Variants in RAPGEF2 observed in about 807,000 individuals in gnomAD.
RAPGEF2 encodes the protein Rap guanine nucleotide exchange factor 2.
A neutral mutation model predicts 186.7 loss-of-function variants in RAPGEF2; 54 were observed. The ratio of observed to expected loss-of-function variants is 0.29; its 90% CI spans 0.23 to 0.36. The LOEUF is 0.36. Among genes scored for constraint, RAPGEF2 ranks in the 10% least tolerant of loss-of-function variants. The pLI, the probability that RAPGEF2 is intolerant of heterozygous loss-of-function variation, is 1.00. For synonymous variants in RAPGEF2, 712 were observed against 705.9 expected (o/e 1.01, Z -0.14); for missense variants, 1,532 against 2,045.0 (o/e 0.75, Z 4.84).
intron 7 of RAPGEF2, among the ~76,000 whole-genome samples, chr4:159,286,795 A>G (rs1486152672): frequency 6.6e-6 from 1 of 152,156 alleles, no homozygotes; most frequent in Non-Finnish European, 1.5e-5. Context: ...TTCCTCGGGC[A>G]TTTCTGTTAC....
chr4:159,269,790 T>C (rs1757882360), intron 7 of RAPGEF2, among the ~76,000 whole-genome samples: 1 of 152,166 alleles, frequency 6.6e-6, no homozygotes, highest in South Asian at 2.1e-4. Flanking sequence ...GTGGAAGGAT[T>C]GCTTAAGGCC....
At chr4:159,166,129 A>G (rs553948836) in intron 1 of RAPGEF2, among the ~76,000 whole-genome samples, 1 of 152,110 alleles carries the variant, frequency 6.6e-6, no homozygotes, top group Non-Finnish European at 1.5e-5. Flanking sequence ...CCTGGCCAAC[A>G]TGACAAAACC....
chr4:159,314,486 T>C, intron 8 of RAPGEF2, 105 bp from the exon 9 acceptor site: 4 of 1,069,796 alleles, frequency 3.7e-6, no homozygotes, highest in Non-Finnish European at 5.1e-6. Context: ...GATGGAAAAA[T>C]AAATATAACA....
chr4:159,338,223 A>T, intron 17 of RAPGEF2, 88 bp from the exon 18 acceptor site: 1 of 1,206,124 alleles, frequency 8.3e-7, no homozygotes. Flanking sequence ...AAAAAATGGA[A>T]TATGGTTTTT....
intron 3 of RAPGEF2, among the ~76,000 whole-genome samples, chr4:159,205,428 A>T (rs978701404): frequency 2.0e-5 from 3 of 152,164 alleles, no homozygotes; most frequent in African/African-American, 7.2e-5. Flanking sequence ...CAATAAACCC[A>T]CTATATGTTG....
At chr4:159,261,482 A>G (rs992810014) in intron 7 of RAPGEF2, among the ~76,000 whole-genome samples, 3 of 152,232 alleles carry the variant, frequency 2.0e-5, no homozygotes, top group African/African-American at 7.2e-5. Flanking sequence ...CCTCTCCATA[A>G]TTTTAGTTCA....
At chr4:159,179,083 A>G (rs1746756049) in intron 1 of RAPGEF2, among the ~76,000 whole-genome samples, 1 of 152,226 alleles carries the variant, frequency 6.6e-6, no homozygotes, top group South Asian at 2.1e-4. Flanking sequence ...TTTTGAAAAA[A>G]GGATGTCCTT....
At chr4:159,132,451 G>A (rs1012805788) in intron 1 of RAPGEF2, among the ~76,000 whole-genome samples, 3 of 152,114 alleles carry the variant, frequency 2.0e-5, no homozygotes, top group Non-Finnish European at 2.9e-5. Flanking sequence ...TCTGTGGCAA[G>A]GAGTCTTGTT....
chr4:159,345,753 G>A lies in RAPGEF2; in HGVS notation c.3502+424G>A, dbSNP rs532826760. 1.6e-4 allele frequency among the ~76,000 whole-genome samples: 24 copies of A among 152,154 alleles called. No homozygotes were observed. The East Asian group carries it at 2.9e-3, about 18-fold the overall frequency. ...TTTAACCACTAGCCCAGACAACACC[G>A]AACAACAAATTCAGCTACCAGTTAG... is the stretch of plus-strand genomic sequence containing the variant. On this transcript the variant is annotated intron_variant, in intron 24 of 29. Coordinates refer to ENST00000691494, the MANE Select transcript of RAPGEF2 (RefSeq NM_001394067.2).
In RAPGEF2 at chr4:159,258,320, C is replaced by T. The variant is rs1756423221; in HGVS notation, c.543+14529C>T. ...ATGCTGTTATCTTAAACTCATGTGG[C>T]TGTATTGGTAGGCTGACTTTTTTCT... On this transcript the variant is annotated intron_variant, in intron 7 of 29. Coordinates refer to ENST00000691494, the MANE Select transcript of RAPGEF2 (RefSeq NM_001394067.2). Among the ~76,000 whole-genome samples the T allele has an allele frequency of 2.0e-5, 3 of 152,066 alleles. No homozygotes were observed. The South Asian group carries it at 6.2e-4, about 32-fold the overall frequency.
intron 7 of RAPGEF2, among the ~76,000 whole-genome samples, chr4:159,289,626 A>G (rs1028859336): frequency 6.6e-6 from 1 of 152,206 alleles, no homozygotes; most frequent in African/African-American, 2.4e-5. Context: ...CTTAGGTACT[A>G]TATGAGAAGC....
chr4:159,119,626 T>TG (rs1739442775), intron 1 of RAPGEF2, among the ~76,000 whole-genome samples: 1 of 152,248 alleles, frequency 6.6e-6, no homozygotes, highest in Non-Finnish European at 1.5e-5. Context: ...GGTTATGGAA[T>TG]GCAGGTATAT....
chr4:159,123,743 C>G (rs530519878), intron 1 of RAPGEF2, among the ~76,000 whole-genome samples: 1 of 152,124 alleles, frequency 6.6e-6, no homozygotes, highest in Non-Finnish European at 1.5e-5. Context: ...TGGTCTCGAT[C>G]TCCTGACCTC....
intron 18 of RAPGEF2, 71 bp downstream of exon 18, chr4:159,338,539 TA>T: frequency 7.2e-7 from 1 of 1,390,208 alleles, no homozygotes; most frequent in Non-Finnish European, 9.9e-7. Flanking sequence ...GGTCATATTA[TA>T]TGTATCTCTC....
intron 1 of RAPGEF2, among the ~76,000 whole-genome samples, chr4:159,178,900 C>G (rs1746739796): frequency 6.6e-6 from 1 of 152,056 alleles, no homozygotes; most frequent in Non-Finnish European, 1.5e-5. Flanking sequence ...AGAGGATTGA[C>G]TTGGATAGGT....
chr4:159,117,445 C>A (rs757573323), intron 1 of RAPGEF2, among the ~76,000 whole-genome samples: 5 of 152,276 alleles, frequency 3.3e-5, no homozygotes, highest in Non-Finnish European at 5.9e-5. Flanking sequence ...GGTGAGAATT[C>A]CTATCTTGAT....
intron 7 of RAPGEF2, among the ~76,000 whole-genome samples, chr4:159,251,631 C>T (rs1049216247): frequency 1.3e-4 from 19 of 150,632 alleles, no homozygotes; most frequent in South Asian, 2.1e-4. Flanking sequence ...TAGCAAGTCT[C>T]GTGGGGACTT....
At chr4:159,277,361 G>A (rs1209927171) in intron 7 of RAPGEF2, among the ~76,000 whole-genome samples, 3 of 152,094 alleles carry the variant, frequency 2.0e-5, no homozygotes, top group Non-Finnish European at 4.4e-5. Context: ...CTTTGCTATT[G>A]TGAGTAGTGC....
intron 17 of RAPGEF2, among the ~76,000 whole-genome samples, chr4:159,337,577 T>G (rs1767601515): frequency 1.3e-5 from 2 of 152,150 alleles, no homozygotes; most frequent in African/African-American, 4.8e-5. Flanking sequence ...ATATTTTTTA[T>G]GGCTTATCTA....
Sources: gnomAD v4.1 joint callset for allele counts (sites outside exome capture counted in the v4.1 genomes callset) on GRCh38, gnomAD v4.1.1 for gene constraint, MANE v1.5 for transcripts, NCBI Gene and HGNC (gene_info 2026-07-23, HGNC 2026-07-21) for gene names.